The following NDUFS2 variants were observed in gnomAD, a reference collection of about 807,000 sequenced individuals.
NDUFS2 encodes NADH dehydrogenase [ubiquinone] iron-sulfur protein 2, mitochondrial.
NDUFS2 carries 38 observed loss-of-function variants against 69.6 expected under a neutral mutation model. That is an observed-to-expected ratio of 0.55 (90% CI 0.42 to 0.72). The LOEUF (loss-of-function observed/expected upper bound fraction) is 0.72, where lower values mean the gene tolerates loss of function less well. Ranked by LOEUF, NDUFS2 falls within the 30% of genes least tolerant of loss-of-function variation. NDUFS2 has a pLI of 0.00. For synonymous variants in NDUFS2, 194 were observed against 211.2 expected (o/e 0.92, Z 0.70); for missense variants, 468 against 595.0 (o/e 0.79, Z 2.22).
At chr1:161,211,398 C>A (rs1277291809) in intron 9 of NDUFS2, among the ~76,000 whole-genome samples, 1 of 152,160 alleles carries the variant, frequency 6.6e-6, no homozygotes, top group Non-Finnish European at 1.5e-5. Context: ...TGTGTAATCC[C>A]AGCATTTTGG....
At position 161,206,537 on chromosome 1, in the gene NDUFS2, T is replaced by A. The variant is rs778349088; in HGVS notation, c.333T>A (p.Pro111=). The A allele has an allele frequency of 6.2e-7, 1 of 1,614,080 alleles. No homozygotes were observed. The change falls in exon 3 of 14, where the codon CCT becomes CCA. Residue 111 remains proline (P), a synonymous_variant. Coordinates refer to ENST00000676972, the MANE Select transcript of NDUFS2 (RefSeq NM_001377299.1). The stretch of plus-strand genomic sequence containing the variant: ...GGGAGATGGTGCGGAAGTGTGATCC[T>A]CACATCGGGCTCCTGCACCGAGGCA... ...LSGEMVRKCD[P]HIGLLHRGTE...
At chr1:161,212,536 G>C (rs1049609923) in intron 10 of NDUFS2, 56 bp downstream of exon 10, 1 of 1,597,518 alleles carries the variant, frequency 6.3e-7, no homozygotes, top group Admixed American at 1.7e-5. Context: ...AGTGGCTGGG[G>C]AGGAGTATCC....
At chr1:161,203,306 C>T (rs1483777501) in intron 1 of NDUFS2, 131 bp from the exon 2 acceptor site, 2 of 775,586 alleles carry the variant, frequency 2.6e-6, no homozygotes, top group African/African-American at 3.5e-5. Context: ...AACCCAGTCT[C>T]AAAAAAAACA....
At chr1:161,202,702 G>A (rs1665210146) in intron 1 of NDUFS2, among the ~76,000 whole-genome samples, 1 of 152,180 alleles carries the variant, frequency 6.6e-6, no homozygotes. Context: ...GGGAGACTCT[G>A]CTTTTTAGCT....
chr1:161,206,326 G>T, intron 2 of NDUFS2, 81 bp from the exon 3 acceptor site: 1 of 1,412,038 alleles, frequency 7.1e-7, no homozygotes, highest in Non-Finnish European at 1.0e-6. Flanking sequence ...AAAATCTATA[G>T]GGAGAGGCTA....
chr1:161,212,353 A>G lies in NDUFS2; in HGVS notation c.989A>G (p.Tyr330Cys). 1 of 1,613,298 alleles carries G rather than the reference A, an allele frequency of 6.2e-7. No individual in the cohort carries two copies. The highest frequency in any genetic ancestry group is 8.5e-7 in the Non-Finnish European group (1 of 1,179,558). Reference sequence around the variant, plus strand: ...TTGCTCTGTCTCATCTTCTTGAGGTACCTGTGCCGGGTGGAGGAGATGCGC... The same window carrying G: ...TTGCTCTGTCTCATCTTCTTGAGGTGCCTGTGCCGGGTGGAGGAGATGCGC... ...VGSRGDCYDRYLCRVEEMRQS... is the reference protein window; with the variant it reads ...VGSRGDCYDRCLCRVEEMRQS... Residue 330 changes from tyrosine (Y) to cysteine (C), a missense_variant and splice_region_variant, in exon 10 of 14, where the codon TAC becomes TGC. This residue lies in a region of NDUFS2 where 339 missense variants were observed against 433.8 expected (regional missense o/e 0.78). Coordinates refer to ENST00000676972, the MANE Select transcript of NDUFS2 (RefSeq NM_001377299.1).
chr1:161,198,610 C>T (rs773620570), upstream of NDUFS2: 47 of 1,530,508 alleles, frequency 3.1e-5, no homozygotes, highest in Non-Finnish European at 4.0e-5. The surrounding 1 kb of genome is among the most constrained non-coding windows in gnomAD (Gnocchi z 4.7). Flanking sequence ...TCCCGGGATG[C>T]GAGCCTGTCT....
At position 161,214,208 on chromosome 1, in the gene NDUFS2, T is replaced by G. The variant is rs943559224; in HGVS notation, c.*15T>G. ...TAGATCGGTGAGCAGGGGAGCAGCG[T>G]TTGATCCCCCCTGCCTATCAGCTTC... On this transcript the variant is annotated 3_prime_UTR_variant, in exon 14 of 14. Coordinates refer to ENST00000676972, the MANE Select transcript of NDUFS2 (RefSeq NM_001377299.1). 1.2e-6 allele frequency: 2 copies of G among 1,607,828 alleles called. No individual in the cohort carries two copies. The highest frequency in any genetic ancestry group is 2.7e-5 in the African/African-American group (2 of 74,696).
At chr1:161,207,060 T>C (rs1226877559) in intron 3 of NDUFS2, among the ~76,000 whole-genome samples, 5 of 152,244 alleles carry the variant, frequency 3.3e-5, no homozygotes, top group Non-Finnish European at 7.3e-5. Context: ...GTTTGCCATT[T>C]TTAGGAGAAC....
chr1:161,213,040 G>A (rs547200216), intron 10 of NDUFS2: 6 of 345,612 alleles, frequency 1.7e-5, no homozygotes, highest in East Asian at 1.5e-4. Flanking sequence ...GAGTAGCTGG[G>A]ATTACAGGCA....
intron 5 of NDUFS2, 39 bp from the exon 6 acceptor site, chr1:161,209,818 C>G (rs1438355191): frequency 6.2e-7 from 1 of 1,605,292 alleles, no homozygotes; most frequent in South Asian, 1.1e-5. Flanking sequence ...ACCTGGGGGC[C>G]TGGGACTTTG....
intron 2 of NDUFS2, among the ~76,000 whole-genome samples, chr1:161,206,025 C>T (rs533985374): frequency 1.0e-3 from 155 of 152,134 alleles, no homozygotes; most frequent in African/African-American, 3.3e-3. Flanking sequence ...ATGGGGATAA[C>T]GATAGTACCT....
chr1:161,202,581 C>T, intron 1 of NDUFS2, 101 bp downstream of exon 1: 3 of 1,204,806 alleles, frequency 2.5e-6, no homozygotes, highest in Non-Finnish European at 3.6e-6. Context: ...AAGCCTGTGA[C>T]CCCATTGTCC....
Position 161,214,297 on chromosome 1 carries a change from G to GTGTGTGTA in NDUFS2, c.*107_*108insGTGTATGT. The GTGTGTGTA allele has an allele frequency of 1.8e-6, 2 of 1,090,584 alleles. No individual in the cohort carries two copies. Among genetic ancestry groups the GTGTGTGTA allele is most frequent in the East Asian group, 2.5e-5 (1 of 40,736 alleles). 67.6% of individuals were successfully genotyped at this position (1,090,584 alleles called of 1,614,324 possible). A position where few individuals can be genotyped will look rare whatever the true frequency, so the allele number is the denominator to read the frequency against. ...TGTGTGTGTGTGTGTGTGTGTGTGT[G>GTGTGTGTA]TGTATGTTCATGTACACTTGGCTGT... On this transcript the variant is annotated 3_prime_UTR_variant, in exon 14 of 14. Coordinates refer to ENST00000676972, the MANE Select transcript of NDUFS2 (RefSeq NM_001377299.1).
At chr1:161,208,141 C>A (rs1040413679) in intron 3 of NDUFS2, among the ~76,000 whole-genome samples, 1 of 151,830 alleles carries the variant, frequency 6.6e-6, no homozygotes, top group Non-Finnish European at 1.5e-5. Flanking sequence ...CTCACCACCA[C>A]GCCCAGCTAA....
At chr1:161,206,361 C>CTTTTGGGGATAG in intron 2 of NDUFS2, 46 bp from the exon 3 acceptor site, 1 of 1,599,368 alleles carries the variant, frequency 6.3e-7, no homozygotes, top group Non-Finnish European at 8.6e-7. Flanking sequence ...TTTGGGGGAT[C>CTTTTGGGGATAG]CCAAGGGAAT....
chr1:161,213,800 A>T (rs756109212), intron 12 of NDUFS2, 64 bp from the exon 13 acceptor site: 44 of 1,609,952 alleles, frequency 2.7e-5, no homozygotes, highest in Non-Finnish European at 3.7e-5. Flanking sequence ...GTTTTTATGA[A>T]CTCTTCTTTC....
intron 3 of NDUFS2, 92 bp downstream of exon 3, chr1:161,206,689 G>T: frequency 1.5e-6 from 2 of 1,374,008 alleles, no homozygotes. Context: ...CGTGAGGGGA[G>T]GAAGGTGTTG....
chr1:161,205,560 G>C (rs1296521995), intron 2 of NDUFS2, among the ~76,000 whole-genome samples: 1 of 152,004 alleles, frequency 6.6e-6, no homozygotes, highest in Non-Finnish European at 1.5e-5. Context: ...TACAAATTTG[G>C]CCTCTGTTCC....
Sources: gnomAD v4.1 joint callset for allele counts (sites outside exome capture counted in the v4.1 genomes callset) on GRCh38, gnomAD v4.1.1 for gene constraint, gnomAD v4.1.1 regional missense constraint, Gnocchi (gnomAD v3.1) non-coding constraint, MANE v1.5 for transcripts, NCBI Gene and HGNC (gene_info 2026-07-23, HGNC 2026-07-21) for gene names.